Variants in ST8SIA4 observed in about 807,000 individuals in gnomAD.
ST8SIA4 encodes CMP-N-acetylneuraminate-poly-alpha-2,8-sialyltransferase.
In ST8SIA4, 15 loss-of-function variants were observed where a neutral mutation model predicts 33.9. The ratio of observed to expected loss-of-function variants is 0.44; its 90% CI spans 0.30 to 0.68. The LOEUF (loss-of-function observed/expected upper bound fraction) is 0.68, where lower values mean the gene tolerates loss of function less well. ST8SIA4 is among the 30% of genes least tolerant of loss of function. The pLI, the probability that ST8SIA4 is intolerant of heterozygous loss-of-function variation, is 0.10. For missense variants in ST8SIA4, 321 were observed against 428.0 expected, an observed-to-expected ratio of 0.75 and a Z score of 2.21; for synonymous variants, 171 against 151.2, an observed-to-expected ratio of 1.13 and a Z score of -0.96.
chr5:100,840,347 T>A (rs1308282115), intron 4 of ST8SIA4, among the ~76,000 whole-genome samples: 1 of 151,910 alleles, frequency 6.6e-6, no homozygotes, highest in East Asian at 1.9e-4. Context: ...TATATGTGTG[T>A]GTATATACAT....
chr5:100,859,148 GT>G (rs1430950846), intron 3 of ST8SIA4, among the ~76,000 whole-genome samples: 3 of 152,086 alleles, frequency 2.0e-5, no homozygotes, highest in Admixed American at 6.6e-5. Context: ...CAGTAGACTT[GT>G]TGTGAGCATC....
intron 4 of ST8SIA4, among the ~76,000 whole-genome samples, chr5:100,840,150 A>G (rs988332288): frequency 2.6e-5 from 4 of 151,800 alleles, no homozygotes; most frequent in Admixed American, 1.3e-4. Flanking sequence ...TGAAATGAGA[A>G]TTTTCAAATG....
intron 4 of ST8SIA4, among the ~76,000 whole-genome samples, chr5:100,851,910 A>G (rs1442619041): frequency 6.6e-6 from 1 of 151,950 alleles, no homozygotes; most frequent in East Asian, 1.9e-4. Context: ...TATTTGAGCT[A>G]TGTCTTAGAT....
intron 3 of ST8SIA4, among the ~76,000 whole-genome samples, chr5:100,874,358 A>ACTC (rs1752260808): frequency 6.6e-6 from 1 of 152,140 alleles, no homozygotes; most frequent in Non-Finnish European, 1.5e-5. Flanking sequence ...TCAGTTTGTA[A>ACTC]ATTAGAAAAC....
intron 4 of ST8SIA4, among the ~76,000 whole-genome samples, chr5:100,834,527 T>A (rs934379614): frequency 6.6e-6 from 1 of 152,166 alleles, no homozygotes; most frequent in Admixed American, 6.6e-5. Flanking sequence ...ACTTTTTCTC[T>A]TTCTTAAGTT....
intron 4 of ST8SIA4, among the ~76,000 whole-genome samples, chr5:100,853,985 A>ATGTGTGTGTGTGTGTGTG (rs55821438): frequency 1.0e-4 from 8 of 76,926 alleles, no homozygotes; most frequent in Non-Finnish European, 2.2e-4. Flanking sequence ...GTGTGTGTGT[A>ATGTGTGTGTGTGTGTGTG]TGTGTGTGTG....
chr5:100,889,649 G>A (rs1396969421), intron 2 of ST8SIA4, among the ~76,000 whole-genome samples: 2 of 151,834 alleles, frequency 1.3e-5, no homozygotes, highest in Non-Finnish European at 2.9e-5. Flanking sequence ...CTGATTATAA[G>A]TAAACCTCTT....
chr5:100,834,064 T>C (rs1231063762), intron 4 of ST8SIA4, among the ~76,000 whole-genome samples: 3 of 152,176 alleles, frequency 2.0e-5, no homozygotes, highest in Admixed American at 2.0e-4. Flanking sequence ...CTTAATCAAA[T>C]GAGTGCTAAT....
intron 2 of ST8SIA4, chr5:100,890,641 G>A (rs1018853953): frequency 1.3e-5 from 2 of 151,794 alleles, no homozygotes; most frequent in African/African-American, 4.8e-5. Context: ...TGTGTTTTCT[G>A]TGCATGACTC....
At chr5:100,824,033 G>T (rs1023850526) in intron 4 of ST8SIA4, among the ~76,000 whole-genome samples, 5 of 152,112 alleles carry the variant, frequency 3.3e-5, no homozygotes, top group Non-Finnish European at 7.4e-5. Context: ...GCTTTTTGTT[G>T]TTGTTATTGT....
At chr5:100,886,677 C>T in intron 2 of ST8SIA4, 77 bp from the exon 3 acceptor site, 1 of 1,232,366 alleles carries the variant, frequency 8.1e-7, no homozygotes, top group Non-Finnish European at 1.2e-6. Context: ...TACAAAGTAA[C>T]TTAAGACAAA....
intron 4 of ST8SIA4, among the ~76,000 whole-genome samples, chr5:100,840,604 G>A (rs1003540414): frequency 3.3e-5 from 5 of 151,700 alleles, no homozygotes; most frequent in African/African-American, 9.7e-5. Flanking sequence ...GACTCACAGT[G>A]CTTGAATAAG....
intron 3 of ST8SIA4, among the ~76,000 whole-genome samples, chr5:100,878,440 G>A (rs776408455): frequency 6.6e-6 from 1 of 152,140 alleles, no homozygotes. Context: ...GCCTATCAAA[G>A]TGCTGGGATT....
intron 1 of ST8SIA4, among the ~76,000 whole-genome samples, chr5:100,901,840 G>C (rs1050853032): frequency 1.5e-4 from 23 of 152,142 alleles, no homozygotes; most frequent in Admixed American, 1.4e-3. Context: ...TGTGTTAGCA[G>C]TCCCATCTCT....
At chr5:100,870,129 G>A (rs555232232) in intron 3 of ST8SIA4, among the ~76,000 whole-genome samples, 12 of 152,284 alleles carry the variant, frequency 7.9e-5, no homozygotes, top group African/African-American at 2.9e-4. Context: ...AGTTTACTCA[G>A]AATGATGGTT....
Position 100,865,989 on chromosome 5 carries a change from G to C in ST8SIA4, c.504-9593C>G, listed in dbSNP as rs73159996. On this transcript the variant is annotated intron_variant, in intron 3 of 4. Coordinates refer to ENST00000231461, the MANE Select transcript of ST8SIA4 (RefSeq NM_005668.6). The stretch of plus-strand genomic sequence containing the variant: ...ATGAAATTTAAAATGTAGTGTTCTG[G>C]AATGTCAGTCTGCTTTAGAAAGCAT... Among the ~76,000 whole-genome samples the C allele has an allele frequency of 4.0e-3, 608 of 152,238 alleles. 5 individuals carry two copies. The highest frequency in any genetic ancestry group is 0.014 in the African/African-American group (584 of 41,560).
chr5:100,814,873 C>A (rs1336886249), intron 4 of ST8SIA4, among the ~76,000 whole-genome samples: 1 of 151,908 alleles, frequency 6.6e-6, no homozygotes, highest in East Asian at 1.9e-4. Context: ...GCCCAGACTA[C>A]AATTTTGAAA....
intron 1 of ST8SIA4, 48 bp downstream of exon 1, chr5:100,902,795 T>C (rs1366297610): frequency 6.7e-7 from 1 of 1,497,168 alleles, no homozygotes. Context: ...CACATTTCAT[T>C]TATGGCTTGA....
At chr5:100,850,767 C>T (rs1751676244) in intron 4 of ST8SIA4, among the ~76,000 whole-genome samples, 1 of 146,972 alleles carries the variant, frequency 6.8e-6, no homozygotes, top group African/African-American at 2.5e-5. Context: ...TAAATGAATC[C>T]ATATTGTGTA....
Sources: allele counts gnomAD v4.1 joint callset (sites outside exome capture counted in the v4.1 genomes callset), GRCh38; gene constraint gnomAD v4.1.1; transcripts MANE v1.5; gene names NCBI Gene and HGNC (gene_info 2026-07-23, HGNC 2026-07-21).